The following RFLNA variants were observed in gnomAD, a reference collection of about 807,000 sequenced individuals.
RFLNA encodes the protein refilin A, also known as refilin-A.
A neutral mutation model predicts 7.8 loss-of-function variants in RFLNA; 5 were observed. The observed-to-expected ratio is 0.64, with a 90% CI of 0.34 to 1.35. The LOEUF is 1.35. RFLNA is among the 40% of genes most tolerant of loss of function. RFLNA has a pLI of 0.04. For missense variants in RFLNA, 278 were observed against 305.5 expected, an observed-to-expected ratio of 0.91 and a Z score of 0.67; for synonymous variants, 141 against 131.3, an observed-to-expected ratio of 1.07 and a Z score of -0.50.
Position 124,295,533 on chromosome 12 carries a change from GC to G in RFLNA, c.108del (p.Ser37AlafsTer46). On this transcript the variant is annotated frameshift_variant, in exon 1 of 3. Coordinates refer to ENST00000546355, the MANE Select transcript of RFLNA (RefSeq NM_001365156.1). LOFTEE classifies it high-confidence loss of function. ...SPDSGLPPSP[S>X]PSPPFYSLAP... is the part of the protein sequence containing the mutation. Reference sequence around the variant, plus strand: ...GACTCCGGGCTGCCCCCCAGCCCCAGCCCCAGCCCGCCCTTCTACTCCCTGG... The same window carrying G: ...GACTCCGGGCTGCCCCCCAGCCCCAGCCCAGCCCGCCCTTCTACTCCCTGG... 1.4e-6 allele frequency: 1 copy of G among 700,308 alleles called. No homozygotes were observed. The highest frequency in any genetic ancestry group is 1.9e-6 in the Non-Finnish European group (1 of 529,692). The allele number at this position is 700,308 out of a possible 1,614,324, so 43.4% of individuals were successfully genotyped here. A position where few individuals can be genotyped will look rare whatever the true frequency, so the allele number is the denominator to read the frequency against.
rs1050784549 is a variant in RFLNA, at chr12:124,306,803, G to A, written c.208-5015G>A. On this transcript the variant is annotated intron_variant, in intron 1 of 2. Transcript: ENST00000546355. The surrounding 1 kb of genome is among the most constrained non-coding windows in gnomAD (Gnocchi z 5.2). ...TCATTGTCCAGGCAGGTATGGGGGC[G>A]GCGGGGAGGGGACAGATGTAGGAGA... is the stretch of plus-strand genomic sequence containing the variant. Among the ~76,000 whole-genome samples the A allele has an allele frequency of 3.3e-5, 5 of 152,122 alleles. No individual in the cohort carries two copies. Among genetic ancestry groups the A allele is most frequent in the Admixed American group, 2.6e-4 (4 of 15,276 alleles).
intron 1 of RFLNA, among the ~76,000 whole-genome samples, chr12:124,310,531 T>TTTCTGTTGAGGG (rs1307983797): frequency 5.5e-5 from 7 of 126,346 alleles, no homozygotes; most frequent in South Asian, 5.4e-4. Flanking sequence ...GGAGGTGGAC[T>TTTCTGTTGAGGG]GCAGGATGGG....
chr12:124,290,288 G>A (rs564496740), upstream of RFLNA, among the ~76,000 whole-genome samples: 67 of 152,296 alleles, frequency 4.4e-4, 1 homozygote, highest in African/African-American at 1.6e-3. This position sits in a 1 kb window ranked among gnomAD's most constrained non-coding sequence, Gnocchi z 4.0. Flanking sequence ...ATGTATGTAT[G>A]TGCATGTGTT....
At chr12:124,301,786 G>A (rs943981878) in intron 1 of RFLNA, among the ~76,000 whole-genome samples, 7 of 152,170 alleles carry the variant, frequency 4.6e-5, no homozygotes, top group Non-Finnish European at 1.0e-4. Context: ...TGATTCTTGT[G>A]CCCTAGGTTG....
intron 1 of RFLNA, among the ~76,000 whole-genome samples, chr12:124,305,011 G>C (rs1412636843): frequency 6.6e-6 from 1 of 152,208 alleles, no homozygotes; most frequent in Non-Finnish European, 1.5e-5. Flanking sequence ...CTAAAAACAT[G>C]GAATCATATA....
At chr12:124,310,951 G>A (rs2034233099) in intron 1 of RFLNA, among the ~76,000 whole-genome samples, 3 of 152,206 alleles carry the variant, frequency 2.0e-5, no homozygotes, top group Admixed American at 1.3e-4. Context: ...ATTTGCTGGT[G>A]CTCACAACTG....
At chr12:124,300,777 CGGATGGATGGATGGATGGAT>C (rs59223953) in intron 1 of RFLNA, among the ~76,000 whole-genome samples, 1 of 69,960 alleles carries the variant, frequency 1.4e-5, no homozygotes. Flanking sequence ...GATGGATTGA[CGGATGGATGGATGGATGGAT>C]GGATGGATGG....
chr12:124,301,236 G>A (rs73417861), intron 1 of RFLNA, among the ~76,000 whole-genome samples: 1 of 152,178 alleles, frequency 6.6e-6, no homozygotes, highest in Non-Finnish European at 1.5e-5. Flanking sequence ...TCGATCCCGG[G>A]TGAACTGGCC....
Position 124,306,285 on chromosome 12 carries a change from C to T in RFLNA, c.208-5533C>T, listed in dbSNP as rs1040738238. On this transcript the variant is annotated intron_variant, in intron 1 of 2. Coordinates refer to ENST00000546355, the MANE Select transcript of RFLNA (RefSeq NM_001365156.1). The surrounding 1 kb of genome is among the most constrained non-coding windows in gnomAD (Gnocchi z 5.2). ...ATGAAGGCCAGTAGATGGGTGCTCCCGTGTCCCCACAGAGGATGCCCCTAA... is the reference window on the plus strand; with the variant it reads ...ATGAAGGCCAGTAGATGGGTGCTCCTGTGTCCCCACAGAGGATGCCCCTAA... Among the ~76,000 whole-genome samples, 1 of 152,146 alleles carries T rather than the reference C, an allele frequency of 6.6e-6. No individual in the cohort carries two copies. The highest frequency in any genetic ancestry group is 2.1e-4 in the South Asian group (1 of 4,832).
rs2034327390 is a variant in RFLNA, at chr12:124,315,033, A to G, written c.*508A>G. The G allele has an allele frequency of 4.0e-6, 1 of 251,792 alleles. No homozygotes were observed. Among genetic ancestry groups the G allele is most frequent in the Non-Finnish European group, 7.9e-6 (1 of 125,988 alleles). 15.6% of individuals were successfully genotyped at this position (251,792 alleles called of 1,614,324 possible). ...TGCTGGCCTGGGGTATTTCCAAAAC[A>G]GCCTTTTCGCACACATGCAGGTTGC... On this transcript the variant is annotated 3_prime_UTR_variant, in exon 3 of 3. Coordinates refer to ENST00000546355, the MANE Select transcript of RFLNA (RefSeq NM_001365156.1).
upstream of RFLNA, among the ~76,000 whole-genome samples, chr12:124,293,902 C>T (rs1462445651): frequency 6.6e-6 from 1 of 152,222 alleles, no homozygotes; most frequent in Non-Finnish European, 1.5e-5. Context: ...AAGAAGCCTT[C>T]CCTGAACACT....
intron 2 of RFLNA, 101 bp downstream of exon 2, chr12:124,312,028 G>A (rs1414788120): frequency 3.8e-5 from 51 of 1,346,334 alleles, no homozygotes; most frequent in Non-Finnish European, 5.0e-5. Context: ...GCCAAGCTGG[G>A]GGCTCAGGAG....
intron 1 of RFLNA, among the ~76,000 whole-genome samples, chr12:124,309,551 G>A (rs992173597): frequency 2.0e-5 from 3 of 152,296 alleles, no homozygotes; most frequent in African/African-American, 7.2e-5. Flanking sequence ...CTATTCATAC[G>A]CTCTGGGTCT....
chr12:124,303,515 G>A (rs1223045069), intron 1 of RFLNA, among the ~76,000 whole-genome samples: 1 of 152,226 alleles, frequency 6.6e-6, no homozygotes, highest in Non-Finnish European at 1.5e-5. Flanking sequence ...AAGGAGCTGG[G>A]AACCTGGGCC....
In RFLNA at chr12:124,297,570, C is replaced by T. The variant is rs2033950999; in HGVS notation, c.207+1934C>T. On this transcript the variant is annotated intron_variant, in intron 1 of 2. Transcript: ENST00000546355. ...GGCACAGAGGAGGTTAGCAACCTGC[C>T]CAAAGTTGCCCAGCCAGGAAGCGGC... 2.0e-5 allele frequency among the ~76,000 whole-genome samples: 3 copies of T among 152,216 alleles called. No homozygotes were observed. In the South Asian group the frequency reaches 6.2e-4, roughly 32 times the overall value.
chr12:124,301,278 C>G (rs2034032805), intron 1 of RFLNA, among the ~76,000 whole-genome samples: 1 of 152,246 alleles, frequency 6.6e-6, no homozygotes, highest in Non-Finnish European at 1.5e-5. Flanking sequence ...TGTCTGACAG[C>G]CCCGGTCTCC....
At chr12:124,297,063 GGCACTGTC>G (rs1201089323) in intron 1 of RFLNA, among the ~76,000 whole-genome samples, 1 of 152,180 alleles carries the variant, frequency 6.6e-6, no homozygotes, top group African/African-American at 2.4e-5. Context: ...TCTGGGACTT[GGCACTGTC>G]GCCCATTTGA....
rs2033791801 is a variant in RFLNA, at chr12:124,289,904, C to T, written c.-37+534C>T. 1.3e-5 allele frequency among the ~76,000 whole-genome samples: 2 copies of T among 152,136 alleles called. No individual in the cohort carries two copies. Among genetic ancestry groups the T allele is most frequent in the African/African-American group, 2.4e-5 (1 of 41,424 alleles). ...TGAGGATGCAGAGTCCCAGGTCTCA[C>T]GGTTGTACAGTCACCGGGACCTTCA... On this transcript the variant is annotated intron_variant, in intron 1 of 2. Transcript: ENST00000324038. The surrounding 1 kb of genome is among the most constrained non-coding windows in gnomAD (Gnocchi z 5.0).
chr12:124,293,314 C>G (rs1323818728), upstream of RFLNA, among the ~76,000 whole-genome samples: 1 of 152,188 alleles, frequency 6.6e-6, no homozygotes, highest in Non-Finnish European at 1.5e-5. Flanking sequence ...CCCTGGGTAG[C>G]TATTGTGGCC....
Sources: allele counts gnomAD v4.1 joint callset (sites outside exome capture counted in the v4.1 genomes callset), GRCh38; gene constraint gnomAD v4.1.1; non-coding constraint Gnocchi (gnomAD v3.1); transcripts MANE v1.5; gene names NCBI Gene and HGNC (gene_info 2026-07-23, HGNC 2026-07-21).